The following SLC5A1 variants were observed in gnomAD, a reference collection of about 807,000 sequenced individuals.
The protein encoded by SLC5A1 is sodium/glucose cotransporter 1.
A neutral mutation model predicts 73.5 loss-of-function variants in SLC5A1; 42 were observed. The ratio of observed to expected loss-of-function variants is 0.57; its 90% CI spans 0.45 to 0.74. The LOEUF (loss-of-function observed/expected upper bound fraction) is 0.74. Among genes scored for constraint, SLC5A1 ranks in the 30% least tolerant of loss-of-function variants. The probability of loss-of-function intolerance (pLI) is 0.00; values close to 1 mark genes in which losing one functional copy is unlikely to be tolerated. For synonymous variants in SLC5A1, 300 were observed against 317.4 expected (o/e 0.95, Z 0.58); for missense variants, 634 against 855.4 (o/e 0.74, Z 3.23).
intron 7 of SLC5A1, among the ~76,000 whole-genome samples, chr22:32,084,218 G>A (rs1183444833): frequency 6.6e-6 from 1 of 152,210 alleles, no homozygotes; most frequent in African/African-American, 2.4e-5. Context: ...GATTGCTTTG[G>A]TCCCCATAAT....
intron 10 of SLC5A1, among the ~76,000 whole-genome samples, chr22:32,090,150 T>A (rs1383656234): frequency 1.3e-5 from 2 of 151,432 alleles, no homozygotes; most frequent in Non-Finnish European, 2.9e-5. Context: ...AATTCACCTA[T>A]CCTACAATTC....
chr22:32,076,982 C>T (rs1434668687), intron 5 of SLC5A1, among the ~76,000 whole-genome samples: 6 of 152,200 alleles, frequency 3.9e-5, no homozygotes, highest in Non-Finnish European at 5.9e-5. Flanking sequence ...GGAGCCCAGC[C>T]AAGCCCATTG....
intron 5 of SLC5A1, among the ~76,000 whole-genome samples, chr22:32,074,216 T>TGCAGGGGTG (rs1319012166): frequency 6.6e-6 from 1 of 152,178 alleles, no homozygotes; most frequent in Non-Finnish European, 1.5e-5. Context: ...TCAGAGCTGG[T>TGCAGGGGTG]GCAGGGGTGG....
rs763744285 is a variant in SLC5A1 at position 32,068,481 on chromosome 22, T to C, written c.373-15T>C. On this transcript the variant is annotated splice_polypyrimidine_tract_variant and intron_variant, in intron 4 of 14. Transcript: ENST00000266088. The stretch of plus-strand genomic sequence containing the variant: ...TCACTGTGGCTGGCAGTGACCTCCC[T>C]CGCACCCCATGCAGGTGGTGACAAT... The C allele has an allele frequency of 1.9e-6, 3 of 1,587,472 alleles. No individual in the cohort carries two copies. Among genetic ancestry groups the C allele is most frequent in the Non-Finnish European group, 2.6e-6 (3 of 1,155,734 alleles).
intron 10 of SLC5A1, among the ~76,000 whole-genome samples, chr22:32,090,808 C>G (rs1444370255): frequency 6.6e-6 from 1 of 151,750 alleles, no homozygotes; most frequent in Non-Finnish European, 1.5e-5. Context: ...AACTGACTGA[C>G]CCAGACTATT....
intron 5 of SLC5A1, among the ~76,000 whole-genome samples, chr22:32,072,964 A>AT (rs199575134): frequency 6.6e-6 from 1 of 152,038 alleles, no homozygotes; most frequent in South Asian, 2.1e-4. Context: ...ACTTGCAAAA[A>AT]TTTTTTTCCC....
intron 11 of SLC5A1, among the ~76,000 whole-genome samples, chr22:32,098,663 T>C (rs889398603): frequency 1.3e-5 from 2 of 152,196 alleles, no homozygotes; most frequent in Non-Finnish European, 2.9e-5. Context: ...GACTTTCCTA[T>C]AGGCAAAAAA....
At chr22:32,073,611 C>G (rs978809604) in intron 5 of SLC5A1, among the ~76,000 whole-genome samples, 1 of 152,118 alleles carries the variant, frequency 6.6e-6, no homozygotes, top group Non-Finnish European at 1.5e-5. Context: ...GGCTGGAGTA[C>G]TGTGGCGCGA....
At chr22:32,089,130 C>T (rs1010632241) in intron 10 of SLC5A1, among the ~76,000 whole-genome samples, 3 of 152,206 alleles carry the variant, frequency 2.0e-5, no homozygotes, top group African/African-American at 7.2e-5. Context: ...TAATCCTGAA[C>T]GAATGGCAGA....
chr22:32,110,232 G>C lies in SLC5A1; in HGVS notation c.*19G>C, dbSNP rs1214508826. ...TGCCTGAGTCCTACCTTTTGCTGTA[G>C]ATTTACCATGGCTGGACTCTTACTC... On this transcript the variant is annotated 3_prime_UTR_variant, in exon 15 of 15. Coordinates refer to ENST00000266088, the MANE Select transcript of SLC5A1 (RefSeq NM_000343.4). The C allele has an allele frequency of 6.5e-7, 1 of 1,546,884 alleles. No homozygotes were observed. Among genetic ancestry groups the C allele is most frequent in the Non-Finnish European group, 8.9e-7 (1 of 1,119,644 alleles).
chr22:32,084,392 C>G, intron 7 of SLC5A1, 47 bp from the exon 8 acceptor site: 1 of 1,523,448 alleles, frequency 6.6e-7, no homozygotes, highest in Non-Finnish European at 9.1e-7. Flanking sequence ...GCTGCTATGA[C>G]GAGTTGAAGG....
intron 14 of SLC5A1, among the ~76,000 whole-genome samples, chr22:32,106,692 A>G (rs1468874749): frequency 6.6e-6 from 1 of 152,262 alleles, no homozygotes; most frequent in African/African-American, 2.4e-5. Flanking sequence ...GTCAGTGCCC[A>G]GAGACTTATC....
intron 2 of SLC5A1, among the ~76,000 whole-genome samples, chr22:32,061,320 C>G (rs2093962532): frequency 6.6e-6 from 1 of 151,950 alleles, no homozygotes; most frequent in Non-Finnish European, 1.5e-5. Context: ...GAGACTGAGT[C>G]AGGAGAATCA....
intron 12 of SLC5A1, among the ~76,000 whole-genome samples, chr22:32,101,501 G>A (rs969310318): frequency 4.6e-5 from 7 of 152,060 alleles, no homozygotes. Flanking sequence ...GGCTAAAAAA[G>A]TAAGTGTTAT....
intron 1 of SLC5A1, among the ~76,000 whole-genome samples, chr22:32,045,625 T>C (rs1234904218): frequency 6.6e-6 from 1 of 152,244 alleles, no homozygotes; most frequent in Non-Finnish European, 1.5e-5. Context: ...CTTCTCTATC[T>C]CTTCCAACAT....
At chr22:32,108,371 G>C (rs1482589425) in intron 14 of SLC5A1, among the ~76,000 whole-genome samples, 1 of 152,138 alleles carries the variant, frequency 6.6e-6, no homozygotes, top group Admixed American at 6.5e-5. Context: ...AAAGTGTTGG[G>C]ATTACAGGCA....
intron 7 of SLC5A1, 147 bp from the exon 8 acceptor site, chr22:32,084,292 G>T: frequency 2.8e-6 from 2 of 723,360 alleles, no homozygotes. Context: ...CTGAGGCCCA[G>T]AATGGGAAGG....
chr22:32,089,246 A>G (rs2094013080), intron 10 of SLC5A1, among the ~76,000 whole-genome samples: 1 of 152,248 alleles, frequency 6.6e-6, no homozygotes, highest in African/African-American at 2.4e-5. Flanking sequence ...TATCTCTGAT[A>G]GTTTGTGATC....
chr22:32,079,476 A>G (rs2093996236), intron 5 of SLC5A1, among the ~76,000 whole-genome samples: 1 of 152,242 alleles, frequency 6.6e-6, no homozygotes. Flanking sequence ...GAGGTCATTT[A>G]TAGCATTATC....
Sources: gnomAD v4.1 joint callset for allele counts (sites outside exome capture counted in the v4.1 genomes callset) on GRCh38, gnomAD v4.1.1 for gene constraint, MANE v1.5 for transcripts, NCBI Gene and HGNC (gene_info 2026-07-23, HGNC 2026-07-21) for gene names.